DCLK1: variants seen among roughly 807,000 people sequenced by gnomAD.
DCLK1 encodes the protein serine/threonine-protein kinase DCLK1.
Under a neutral mutation model 86.2 loss-of-function variants are expected in DCLK1, and 16 were observed. The observed-to-expected ratio is 0.19, with a 90% CI of 0.13 to 0.28. DCLK1 has a LOEUF of 0.28. Among genes scored for constraint, DCLK1 ranks in the 10% least tolerant of loss-of-function variants. The pLI, the probability that DCLK1 is intolerant of heterozygous loss-of-function variation, is 1.00. For missense variants in DCLK1, 590 were observed against 940.2 expected, an observed-to-expected ratio of 0.63 and a Z score of 4.87; for synonymous variants, 369 against 370.5, an observed-to-expected ratio of 1.00 and a Z score of 0.05.
chr13:35,941,564 C>T (rs925468232), intron 4 of DCLK1, among the ~76,000 whole-genome samples: 2 of 152,092 alleles, frequency 1.3e-5, no homozygotes, highest in African/African-American at 2.4e-5. Flanking sequence ...CATGCACACA[C>T]GTGCACAGGC....
chr13:35,832,155 G>C (rs1357620390), intron 8 of DCLK1, among the ~76,000 whole-genome samples: 2 of 152,092 alleles, frequency 1.3e-5, no homozygotes, highest in Non-Finnish European at 2.9e-5. Flanking sequence ...AATTAGCAAG[G>C]CATGGTGGTG....
intron 4 of DCLK1, among the ~76,000 whole-genome samples, chr13:35,894,244 A>T (rs1873815470): frequency 6.6e-6 from 1 of 152,158 alleles, no homozygotes; most frequent in East Asian, 1.9e-4. Context: ...TGACCTTACT[A>T]TTTAATGCTA....
At chr13:35,966,474 G>GCCTCTCCCTCTC (rs1406315271) in intron 3 of DCLK1, among the ~76,000 whole-genome samples, 2 of 92,666 alleles carry the variant, frequency 2.2e-5, no homozygotes, top group African/African-American at 4.1e-5. Flanking sequence ...GAAAATTCTG[G>GCCTCTCCCTCTC]CCTCTCCCTC....
In DCLK1 at chr13:35,937,277, A is replaced by T. The variant is rs183542548; in HGVS notation, c.823+10081T>A. On this transcript the variant is annotated intron_variant, in intron 4 of 16. Coordinates refer to ENST00000360631, the MANE Select transcript of DCLK1 (RefSeq NM_001330071.2). ...CGTGAGCCACCGCACCCGGTCCCAG[A>T]AAGTTAGCTTTAAAATCACAGTTCT... Among the ~76,000 whole-genome samples the T allele has an allele frequency of 2.6e-5, 4 of 152,052 alleles. No homozygotes were observed. The East Asian group carries it at 7.8e-4, about 29-fold the overall frequency.
chr13:35,800,125 C>T (rs1409374894), intron 15 of DCLK1, among the ~76,000 whole-genome samples: 1 of 152,182 alleles, frequency 6.6e-6, no homozygotes, highest in African/African-American at 2.4e-5. Context: ...TCAAGCTTCT[C>T]ATTCACCAAC....
At chr13:36,072,242 C>T (rs1456076914) in intron 3 of DCLK1, among the ~76,000 whole-genome samples, 1 of 152,316 alleles carries the variant, frequency 6.6e-6, no homozygotes, top group African/African-American at 2.4e-5. Flanking sequence ...GAGCCATTAG[C>T]AGTGTATGCA....
intron 3 of DCLK1, among the ~76,000 whole-genome samples, chr13:36,036,643 TGATA>T (rs149022287): frequency 0.013 from 2,015 of 152,272 alleles, 62 homozygotes; most frequent in African/African-American, 0.046. Context: ...ACGGTATATA[TGATA>T]TATATAACAT....
chr13:35,776,505 G>A (rs1384374805), intron 16 of DCLK1, among the ~76,000 whole-genome samples: 1 of 152,182 alleles, frequency 6.6e-6, no homozygotes, highest in South Asian at 2.1e-4. Flanking sequence ...AAGCACATCA[G>A]GTTTGTGGTC....
intron 3 of DCLK1, among the ~76,000 whole-genome samples, chr13:36,084,175 C>T (rs1247575272): frequency 6.6e-6 from 1 of 152,100 alleles, no homozygotes; most frequent in African/African-American, 2.4e-5. Flanking sequence ...AGTAAACATC[C>T]TTGAATGATT....
intron 4 of DCLK1, among the ~76,000 whole-genome samples, chr13:35,942,294 G>T (rs999486948): frequency 1.3e-5 from 2 of 152,114 alleles, no homozygotes; most frequent in Admixed American, 6.5e-5. Context: ...AGCCTCCCGA[G>T]TAGCTGGGAC....
chr13:35,942,745 A>G (rs1460269942), intron 4 of DCLK1, among the ~76,000 whole-genome samples: 1 of 152,158 alleles, frequency 6.6e-6, no homozygotes, highest in East Asian at 1.9e-4. Flanking sequence ...GGACTTCAAG[A>G]GGGGCTCTGT....
At position 36,101,428 on chromosome 13, in the gene DCLK1, G is replaced by T. The variant is rs184778666; in HGVS notation, c.723+10441C>A. On this transcript the variant is annotated intron_variant, in intron 3 of 16. Transcript: ENST00000360631. ...ATCTTGCCATCTGATGTCAACATTGGCATTGAGAGGATGCTAATAAAACTG... is the reference window on the plus strand; with the variant it reads ...ATCTTGCCATCTGATGTCAACATTGTCATTGAGAGGATGCTAATAAAACTG... 1.6e-3 allele frequency among the ~76,000 whole-genome samples: 251 copies of T among 152,272 alleles called. 5 individuals are homozygous for T. Among genetic ancestry groups the T allele is most frequent in the Admixed American group, 0.016 (248 of 15,292 alleles).
chr13:36,064,115 C>A (rs867928024), intron 3 of DCLK1, among the ~76,000 whole-genome samples: 1 of 152,284 alleles, frequency 6.6e-6, no homozygotes, highest in Middle Eastern at 3.4e-3. Context: ...ATACTATTCA[C>A]ACGTGATGTT....
chr13:35,915,670 C>CTCCA (rs10692330), intron 4 of DCLK1, among the ~76,000 whole-genome samples: 3,141 of 152,252 alleles, frequency 0.021, 112 homozygotes, highest in African/African-American at 0.066. Flanking sequence ...CACCACTGCA[C>CTCCA]TCCAGCCTGG....
At chr13:36,124,788 C>A (rs1028909607) in intron 2 of DCLK1, among the ~76,000 whole-genome samples, 3 of 152,182 alleles carry the variant, frequency 2.0e-5, no homozygotes, top group Admixed American at 6.5e-5. Context: ...TTCCCAGATT[C>A]TTTTGTGCCA....
At chr13:35,917,759 T>C (rs1276640468) in intron 4 of DCLK1, among the ~76,000 whole-genome samples, 2 of 151,926 alleles carry the variant, frequency 1.3e-5, no homozygotes, top group Non-Finnish European at 2.9e-5. Context: ...TCAAAATCAT[T>C]AGTTACCCTG....
chr13:36,114,797 A>T (rs919555735), intron 2 of DCLK1, among the ~76,000 whole-genome samples: 3 of 152,214 alleles, frequency 2.0e-5, no homozygotes, highest in African/African-American at 2.4e-5. Flanking sequence ...GCTAATTATC[A>T]TCGATTATTA....
At chr13:36,054,588 T>C (rs955011149) in intron 3 of DCLK1, among the ~76,000 whole-genome samples, 3 of 152,108 alleles carry the variant, frequency 2.0e-5, no homozygotes, top group Non-Finnish European at 2.9e-5. Context: ...GAATGTCAGG[T>C]AGTCACAAAT....
chr13:36,017,775 C>T (rs1012100288), intron 3 of DCLK1, among the ~76,000 whole-genome samples: 4 of 152,072 alleles, frequency 2.6e-5, no homozygotes, highest in Non-Finnish European at 4.4e-5. Context: ...AAAAAGCAGC[C>T]GCATTTTATT....
Sources: gnomAD v4.1 joint callset for allele counts (sites outside exome capture counted in the v4.1 genomes callset) on GRCh38, gnomAD v4.1.1 for gene constraint, MANE v1.5 for transcripts, NCBI Gene and HGNC (gene_info 2026-07-23, HGNC 2026-07-21) for gene names.